EIF4G3: variants seen among roughly 807,000 people sequenced by gnomAD.
EIF4G3 encodes eukaryotic translation initiation factor 4 gamma 3.
In EIF4G3, 34 loss-of-function variants were observed where a neutral mutation model predicts 186.4. The observed-to-expected ratio is 0.18, with a 90% confidence interval of 0.14 to 0.24. The LOEUF (loss-of-function observed/expected upper bound fraction) is 0.24, where lower values mean the gene tolerates loss of function less well. EIF4G3 is among the 10% of genes least tolerant of loss of function. The probability of loss-of-function intolerance (pLI) is 1.00; values close to 1 mark genes in which losing one functional copy is unlikely to be tolerated. For synonymous variants in EIF4G3, 673 were observed against 679.5 expected, an observed-to-expected ratio of 0.99 and a Z score of 0.15; for missense variants, 1,536 against 1,948.5, an observed-to-expected ratio of 0.79 and a Z score of 3.99.
rs969036553 is a variant in EIF4G3 at position 20,969,394 on chromosome 1, A to G, written c.714+80T>C. The stretch of plus-strand genomic sequence containing the variant: ...AACTGATGGAAATGAAAAGTACAGA[A>G]AGTGGCTATAGAAGAAAGAAGAGTT... On this transcript the variant is annotated intron_variant, in intron 12 of 36. Transcript: ENST00000602326. The G allele has an allele frequency of 2.6e-6, 4 of 1,521,940 alleles. No individual in the cohort carries two copies. The African/African-American group carries it at 5.5e-5, about 21-fold the overall frequency. The allele number at this position is 1,521,940 out of a possible 1,614,324, so 94.3% of individuals were successfully genotyped here. A position where few individuals can be genotyped will look rare whatever the true frequency, so the allele number is the denominator to read the frequency against.
chr1:21,020,105 A>G (rs2090312035), intron 4 of EIF4G3, among the ~76,000 whole-genome samples: 1 of 152,160 alleles, frequency 6.6e-6, no homozygotes, highest in African/African-American at 2.4e-5. Context: ...AGTTGCGTCC[A>G]CTTAACAACA....
intron 14 of EIF4G3, chr1:20,929,587 T>C (rs987259047): frequency 1.5e-4 from 23 of 152,224 alleles, no homozygotes; most frequent in African/African-American, 5.3e-4. Flanking sequence ...GGGCTCTTAA[T>C]ACAAGCTGAA....
At chr1:21,051,016 G>A (rs1402224474) in intron 3 of EIF4G3, 22 bp from the exon 4 acceptor site, 2 of 716,714 alleles carry the variant, frequency 2.8e-6, no homozygotes, top group East Asian at 2.7e-5. Flanking sequence ...TCAATATTTA[G>A]TAAGAACATT....
Position 20,831,344 on chromosome 1 carries a change from A to G in EIF4G3, c.4062-2072T>C, listed in dbSNP as rs113309707. Reference sequence around the variant, plus strand: ...AATGTTCCTGGGCAATGTGGGATGGAGGTAGAGGAAATATTTTTTCCTGTA... The same window carrying G: ...AATGTTCCTGGGCAATGTGGGATGGGGGTAGAGGAAATATTTTTTCCTGTA... On this transcript the variant is annotated intron_variant, in intron 30 of 36. Transcript: ENST00000602326. 5.9e-3 allele frequency among the ~76,000 whole-genome samples: 835 copies of G among 142,080 alleles called. 3 individuals are homozygous for G. Among genetic ancestry groups the G allele is most frequent in the Non-Finnish European group, 9.8e-3 (651 of 66,334 alleles). The allele number at this position is 142,080 out of a possible 152,430, so 93.2% of individuals were successfully genotyped here.
intron 7 of EIF4G3, 68 bp downstream of exon 7, chr1:20,997,533 G>C (rs2082546982): frequency 2.1e-6 from 3 of 1,415,436 alleles, no homozygotes; most frequent in Middle Eastern, 1.7e-4. Flanking sequence ...AGCATTCTAA[G>C]AGTCAGCAGC....
intron 2 of EIF4G3, among the ~76,000 whole-genome samples, chr1:21,098,551 A>G (rs1468397765): frequency 6.7e-6 from 1 of 148,602 alleles, no homozygotes; most frequent in South Asian, 2.1e-4. Flanking sequence ...AAAAAAAAAA[A>G]AAAAAAAAAA....
intron 2 of EIF4G3, among the ~76,000 whole-genome samples, chr1:21,115,843 A>G (rs1363323569): frequency 6.6e-6 from 1 of 152,124 alleles, no homozygotes; most frequent in African/African-American, 2.4e-5. Context: ...CAGTCTCCCA[A>G]GTATCTAGGA....
intron 2 of EIF4G3, among the ~76,000 whole-genome samples, chr1:21,101,572 A>AAAAAAAAAAAAC (rs1319648795): frequency 4.9e-5 from 7 of 142,342 alleles, no homozygotes; most frequent in Non-Finnish European, 1.1e-4. Context: ...GAAAAAAAAA[A>AAAAAAAAAAAAC]AAACAACAAA....
In EIF4G3 at chr1:20,813,077, T is replaced by C. The variant is rs946131356; in HGVS notation, c.4597+81A>G. On this transcript the variant is annotated intron_variant, in intron 35 of 36. Coordinates refer to ENST00000602326, the MANE Select transcript of EIF4G3 (RefSeq NM_001391906.1). Reference sequence around the variant, plus strand: ...TACATAGGAGAAGTTTTGAAAACAATGTAAAATCAAACTGTATACTTAGTA... The same window carrying C: ...TACATAGGAGAAGTTTTGAAAACAACGTAAAATCAAACTGTATACTTAGTA... 59 of 981,946 alleles carry C rather than the reference T, an allele frequency of 6.0e-5. No individual in the cohort carries two copies. The African/African-American group carries it at 7.5e-4, about 13-fold the overall frequency. 60.8% of individuals were successfully genotyped at this position (981,946 alleles called of 1,614,324 possible). A position where few individuals can be genotyped will look rare whatever the true frequency, so the allele number is the denominator to read the frequency against.
In EIF4G3 at chr1:20,894,948, C is replaced by T. The variant is rs574595746; in HGVS notation, c.2133+420G>A. On this transcript the variant is annotated intron_variant, in intron 17 of 36. Coordinates refer to ENST00000602326, the MANE Select transcript of EIF4G3 (RefSeq NM_001391906.1). ...ACATATTATTTGAATCATGTTGACT[C>T]TCACTTATGTTTGATCTGCCAAATA... Among the ~76,000 whole-genome samples, 150 of 152,268 alleles carry T rather than the reference C, an allele frequency of 9.9e-4. 2 individuals carry two copies. Among genetic ancestry groups the T allele is most frequent in the African/African-American group, 3.4e-3 (140 of 41,558 alleles).
intron 20 of EIF4G3, among the ~76,000 whole-genome samples, chr1:20,870,594 AGATGAG>A (rs1403534444): frequency 6.6e-5 from 10 of 152,190 alleles, no homozygotes; most frequent in Admixed American, 6.5e-4. Context: ...AGGGGTTCTG[AGATGAG>A]GATTCTCATT....
At chr1:21,167,920 A>G (rs954794688) in intron 2 of EIF4G3, 1 of 347,802 alleles carries the variant, frequency 2.9e-6, no homozygotes, top group African/African-American at 2.2e-5. Context: ...AAATAATGCA[A>G]AACATTACAG....
At chr1:20,899,302 G>GA (rs2089528573) in intron 16 of EIF4G3, among the ~76,000 whole-genome samples, 1 of 152,172 alleles carries the variant, frequency 6.6e-6, no homozygotes, top group South Asian at 2.1e-4. Context: ...CAGTTCCACA[G>GA]AGTGATTTCT....
rs2096410471 is a variant in EIF4G3 at position 20,956,195 on chromosome 1, T to C, written c.715-6084A>G. Among the ~76,000 whole-genome samples, 4 of 152,170 alleles carry C rather than the reference T, an allele frequency of 2.6e-5. No individual in the cohort carries two copies. In the South Asian group the frequency reaches 8.3e-4, roughly 31 times the overall value. ...TTTCTATACTAATATGGTTTGACTG[T>C]CCCCACCCAAATCTCATCTTGTAGT... On this transcript the variant is annotated intron_variant, in intron 12 of 36. Coordinates refer to ENST00000602326, the MANE Select transcript of EIF4G3 (RefSeq NM_001391906.1).
intron 14 of EIF4G3, among the ~76,000 whole-genome samples, chr1:20,928,510 C>T (rs1171531230): frequency 1.3e-5 from 2 of 152,072 alleles, no homozygotes; most frequent in African/African-American, 4.8e-5. Flanking sequence ...TCAAGAGATT[C>T]TCCTGTCTCA....
intron 29 of EIF4G3, chr1:20,847,721 AG>A: frequency 2.2e-6 from 1 of 460,308 alleles, no homozygotes; most frequent in South Asian, 1.6e-5. Flanking sequence ...GATGAATCAC[AG>A]TACATCAGGT....
At chr1:21,002,883 T>C in intron 4 of EIF4G3, 75 bp from the exon 5 acceptor site, 1 of 889,724 alleles carries the variant, frequency 1.1e-6, no homozygotes, top group South Asian at 1.7e-5. Flanking sequence ...AGATGTTTTA[T>C]AAAAGTTTAC....
intron 14 of EIF4G3, among the ~76,000 whole-genome samples, chr1:20,917,346 A>G (rs1293754123): frequency 6.6e-6 from 1 of 152,162 alleles, no homozygotes; most frequent in East Asian, 1.9e-4. Flanking sequence ...ACAACAAATA[A>G]ACAGCAAAAA....
chr1:20,938,281 C>T (rs1476951102), intron 14 of EIF4G3, among the ~76,000 whole-genome samples: 1 of 152,200 alleles, frequency 6.6e-6, no homozygotes, highest in Non-Finnish European at 1.5e-5. Context: ...AGGCATGAGC[C>T]ACCGCGCCCG....
Sources: gnomAD v4.1 joint callset for allele counts (sites outside exome capture counted in the v4.1 genomes callset) on GRCh38, gnomAD v4.1.1 for gene constraint, MANE v1.5 for transcripts, NCBI Gene and HGNC (gene_info 2026-07-23, HGNC 2026-07-21) for gene names.